CFAP92: variants seen among roughly 807,000 people sequenced by gnomAD.
The protein encoded by CFAP92 is uncharacterized protein CFAP92.
CFAP92 carries 86 observed loss-of-function variants against 106.3 expected under a neutral mutation model. The ratio of observed to expected loss-of-function variants is 0.81; its 90% CI spans 0.68 to 0.97. The LOEUF (loss-of-function observed/expected upper bound fraction) is 0.97, where lower values mean the gene tolerates loss of function less well. Among genes scored for constraint, CFAP92 ranks in the 50% least tolerant of loss-of-function variants. The pLI is 0.00. For missense variants in CFAP92, 1,204 were observed against 1,283.8 expected, an observed-to-expected ratio of 0.94 and a Z score of 0.95; for synonymous variants, 477 against 506.4, an observed-to-expected ratio of 0.94 and a Z score of 0.78.
At position 128,916,184 on chromosome 3, in the gene CFAP92, C is replaced by A; in HGVS notation, c.2839G>T (p.Ala947Ser). The change falls in exon 13 of 16, where the codon GCC (alanine) becomes TCC (serine). Residue 947 changes from alanine (A) to serine (S), a missense_variant. By Grantham distance (99) the Ala-to-Ser change is moderately conservative. Coordinates refer to ENST00000645291, the MANE Select transcript of CFAP92 (RefSeq NM_001394090.1). Reference sequence around the variant, plus strand: ...GTCTGGGTACTATAGTTGTAGACGGCCTTGTTGGCAGGGGCTGAAATTTTA... The same window carrying A: ...GTCTGGGTACTATAGTTGTAGACGGACTTGTTGGCAGGGGCTGAAATTTTA... ...VIKISAPANK[A>S]VYNYSTQTMN... 1 of 1,232,070 alleles carries A rather than the reference C, an allele frequency of 8.1e-7. No individual in the cohort carries two copies. The allele number at this position is 1,232,070 out of a possible 1,614,324, so 76.3% of individuals were successfully genotyped here. A position where few individuals can be genotyped will look rare whatever the true frequency, so the allele number is the denominator to read the frequency against.
upstream of CFAP92, among the ~76,000 whole-genome samples, chr3:128,999,057 A>G (rs1401706988): frequency 5.3e-5 from 8 of 152,252 alleles, no homozygotes; most frequent in Non-Finnish European, 1.2e-4. Flanking sequence ...GGACCTTTAA[A>G]AGACACTTTA....
chr3:128,975,612 G>A (rs1384390524), intron 7 of CFAP92, among the ~76,000 whole-genome samples, 167 bp downstream of exon 7: 2 of 152,110 alleles, frequency 1.3e-5, no homozygotes, highest in Non-Finnish European at 2.9e-5. Context: ...ATGGATAGAC[G>A]GTAAGGATGG....
intron 11 of CFAP92, among the ~76,000 whole-genome samples, chr3:128,934,093 C>G (rs1938709091): frequency 6.6e-6 from 1 of 151,918 alleles, no homozygotes; most frequent in African/African-American, 2.4e-5. Flanking sequence ...CAGCCCCCTC[C>G]TCCGTGCCCC....
At chr3:129,016,725 G>A in the CFAP92 span, among the ~76,000 whole-genome samples, 1 of 152,132 alleles carries the variant, frequency 6.6e-6, no homozygotes, top group Non-Finnish European at 1.5e-5. Context: ...CTCGTACAGG[G>A]CCTGAGGCAG....
chr3:128,981,874 A>G (rs1329481511), intron 4 of CFAP92, among the ~76,000 whole-genome samples: 1 of 152,186 alleles, frequency 6.6e-6, no homozygotes, highest in Non-Finnish European at 1.5e-5. Flanking sequence ...GTCTTTTTCT[A>G]AGCGGTAGGT....
At chr3:128,948,040 T>C (rs1346000652) in intron 9 of CFAP92, among the ~76,000 whole-genome samples, 3 of 152,084 alleles carry the variant, frequency 2.0e-5, no homozygotes, top group African/African-American at 7.2e-5. Context: ...CAAAAGACAC[T>C]GTAAAGAGAA....
At chr3:128,970,616 A>G (rs1942721465) in intron 8 of CFAP92, 1 of 152,302 alleles carries the variant, frequency 6.6e-6, no homozygotes, top group Non-Finnish European at 1.5e-5. Flanking sequence ...ACATATTGAT[A>G]TAATATTTAG....
chr3:128,935,699 C>G (rs961675492), intron 10 of CFAP92, among the ~76,000 whole-genome samples: 1 of 151,712 alleles, frequency 6.6e-6, no homozygotes, highest in African/African-American at 2.4e-5. Flanking sequence ...GTAACAAGAG[C>G]GAAACTCCGT....
At chr3:128,944,519 G>A (rs527614218) in intron 10 of CFAP92, among the ~76,000 whole-genome samples, 51 of 152,254 alleles carry the variant, frequency 3.3e-4, no homozygotes, top group African/African-American at 9.6e-4. Flanking sequence ...ACGGAGATCC[G>A]ATCTACCCAA....
At chr3:128,963,434 T>C (rs1309507176) in intron 9 of CFAP92, among the ~76,000 whole-genome samples, 1 of 152,168 alleles carries the variant, frequency 6.6e-6, no homozygotes, top group Admixed American at 6.5e-5. Context: ...CAAAATCTAT[T>C]TTCTTCCTCA....
Position 128,993,170 on chromosome 3 carries a change from C to A in CFAP92, c.135G>T (p.Glu45Asp), listed in dbSNP as rs918575268. 3.7e-6 allele frequency: 6 copies of A among 1,613,976 alleles called. No homozygotes were observed. Among genetic ancestry groups the A allele is most frequent in the Non-Finnish European group, 4.2e-6 (5 of 1,179,914 alleles). Residue 45 changes from glutamate to aspartate, a missense_variant, in exon 2 of 16, where the codon GAG (glutamate) becomes GAT (aspartate). By Grantham distance (45) the Glu-to-Asp change is conservative. Coordinates refer to ENST00000645291, the MANE Select transcript of CFAP92 (RefSeq NM_001394090.1). ...EHLKAKARAQ[E>D]SDSDRPCSSI... ...TGCTGCACGGGCGGTCAGAGTCAGA[C>A]TCCTGGGCCCTGGCCTTGGCCTTCA...
chr3:128,981,657 C>T (rs1257161622), intron 4 of CFAP92, among the ~76,000 whole-genome samples: 1 of 152,168 alleles, frequency 6.6e-6, no homozygotes, highest in Non-Finnish European at 1.5e-5. Context: ...ATTTACTTGG[C>T]CCATATCAAT....
At chr3:128,922,940 G>T (rs1937415251) in intron 12 of CFAP92, among the ~76,000 whole-genome samples, 1 of 152,194 alleles carries the variant, frequency 6.6e-6, no homozygotes. Flanking sequence ...GCTTCGATTT[G>T]CTCTCTGTGC....
intron 4 of CFAP92, among the ~76,000 whole-genome samples, chr3:128,987,257 G>A (rs1355974877): frequency 6.6e-6 from 1 of 152,060 alleles, no homozygotes; most frequent in African/African-American, 2.4e-5. Context: ...TTGGGGTGGT[G>A]GGATTTTTAA....
In CFAP92 at chr3:128,935,270, G is replaced by C. The variant is rs569383812; in HGVS notation, c.2308C>G (p.Leu770Val). ...CCATAGAGCCGGCTGCGGAACAGCA[G>C]CTGTGAGTTGTACAGCACCTTGTAT... is the stretch of plus-strand genomic sequence containing the variant. ...RKYKVLYNSQ[L>V]LFRSRLYGDL... is the part of the protein sequence containing the mutation. Residue 770 changes from leucine to valine, a missense_variant, in exon 11 of 16, where the codon CTG becomes GTG. By Grantham distance (32) the Leu-to-Val change is conservative (BLOSUM62 1). Coordinates refer to ENST00000645291, the MANE Select transcript of CFAP92 (RefSeq NM_001394090.1). The C allele has an allele frequency of 1.3e-6, 2 of 1,535,888 alleles. No individual in the cohort carries two copies. Among genetic ancestry groups the C allele is most frequent in the African/African-American group, 1.4e-5 (1 of 73,164 alleles).
intron 9 of CFAP92, among the ~76,000 whole-genome samples, chr3:128,952,247 C>T (rs1245467812): frequency 1.3e-5 from 2 of 151,502 alleles, no homozygotes; most frequent in Non-Finnish European, 2.9e-5. Flanking sequence ...CCTCCCACCC[C>T]GGCCTCTTGA....
chr3:128,935,282 A>T lies in CFAP92; in HGVS notation c.2296T>A (p.Tyr766Asn). The change falls in exon 11 of 16, where the codon TAC (tyrosine) becomes AAC (asparagine). Residue 766 changes from tyrosine to asparagine, a missense_variant. By Grantham distance (143) the Tyr-to-Asn change is moderately radical. Coordinates refer to ENST00000645291, the MANE Select transcript of CFAP92 (RefSeq NM_001394090.1). ...RSEHRKYKVLYNSQLLFRSRL... is the reference protein window; with the variant it reads ...RSEHRKYKVLNNSQLLFRSRL... ...CTGCGGAACAGCAGCTGTGAGTTGT[A>T]CAGCACCTTGTATTTCCTGTGTTCT... 6.5e-7 allele frequency: 1 copy of T among 1,533,328 alleles called. No individual in the cohort carries two copies. 95.0% of individuals were successfully genotyped at this position (1,533,328 alleles called of 1,614,324 possible).
chr3:129,001,928 A>G, intron 1 of CFAP92: 1 of 1,539,928 alleles, frequency 6.5e-7, no homozygotes, highest in Non-Finnish European at 8.8e-7. Context: ...GGCAGGCAGC[A>G]GGTGACGGGA....
rs747554174 is a variant in CFAP92 at position 128,978,004 on chromosome 3, G to A, written c.808+41C>T. The A allele has an allele frequency of 2.5e-6, 4 of 1,611,872 alleles. No homozygotes were observed. The African/African-American group carries it at 4.0e-5, about 16-fold the overall frequency. ...CCACACAACCGCTTTCCCTGCCATC[G>A]CCTTGCACTCAGCTTGTCCACAAAG... On this transcript the variant is annotated intron_variant, in intron 5 of 15. Transcript: ENST00000645291.
Sources: allele counts gnomAD v4.1 joint callset (sites outside exome capture counted in the v4.1 genomes callset), GRCh38; gene constraint gnomAD v4.1.1; transcripts MANE v1.5; gene names NCBI Gene and HGNC (gene_info 2026-07-23, HGNC 2026-07-21).